CEP170: variants seen among roughly 807,000 people sequenced by gnomAD.
CEP170 encodes the protein centrosomal protein of 170 kDa.
Under a neutral mutation model 151.9 loss-of-function variants are expected in CEP170, and 21 were observed. The observed-to-expected ratio is 0.14, with a 90% CI of 0.10 to 0.20. The LOEUF is 0.20. Ranked by LOEUF, CEP170 falls within the 10% of genes least tolerant of loss-of-function variation. The pLI is 1.00. For missense variants in CEP170, 964 were observed against 1,892.9 expected (o/e 0.51, Z 9.11); for synonymous variants, 356 against 648.8 (o/e 0.55, Z 6.86).
intron 3 of CEP170, among the ~76,000 whole-genome samples, chr1:243,216,949 A>G (rs2148950910): frequency 6.6e-6 from 1 of 152,350 alleles, no homozygotes; most frequent in South Asian, 2.1e-4. Context: ...CAATGGGGCA[A>G]CATTCTGAGA....
intron 1 of CEP170, among the ~76,000 whole-genome samples, chr1:243,243,499 T>TTTATTTATTTAC (rs2065060835): frequency 2.0e-5 from 1 of 49,592 alleles, no homozygotes; most frequent in Non-Finnish European, 5.5e-5. Flanking sequence ...ACCATTCTGA[T>TTTATTTATTTAC]TTATTTATTT....
At chr1:243,220,841 A>G (rs968549829) in intron 3 of CEP170, among the ~76,000 whole-genome samples, 1 of 152,242 alleles carries the variant, frequency 6.6e-6, no homozygotes, top group Non-Finnish European at 1.5e-5. Flanking sequence ...GACCAAATGA[A>G]GAAATAAGAA....
At chr1:243,170,012 A>AAAACT (rs1436421394) in intron 11 of CEP170, among the ~76,000 whole-genome samples, 1 of 152,242 alleles carries the variant, frequency 6.6e-6, no homozygotes, top group Non-Finnish European at 1.5e-5. Context: ...GCTTCATATG[A>AAAACT]AAACTGTAAT....
intron 6 of CEP170, 58 bp from the exon 7 acceptor site, chr1:243,199,252 T>A: frequency 1.9e-6 from 3 of 1,566,822 alleles, no homozygotes; most frequent in Non-Finnish European, 2.6e-6. Context: ...GAATACACTT[T>A]CGCAGAATGC....
intron 3 of CEP170, among the ~76,000 whole-genome samples, chr1:243,212,219 A>G (rs1375983523): frequency 6.6e-6 from 1 of 152,224 alleles, no homozygotes; most frequent in African/African-American, 2.4e-5. Flanking sequence ...AATAGTTCCT[A>G]AAAATGGTGC....
Position 243,186,176 on chromosome 1 carries a change from G to A in CEP170, c.1272+83C>T, listed in dbSNP as rs547152666. The A allele has an allele frequency of 5.1e-5, 83 of 1,612,866 alleles. 1 individual carries two copies. The South Asian group carries it at 5.2e-4, about 10-fold the overall frequency. ...TGTAGTTTCCTGACACAAGATTCCC[G>A]CACTTTGAGTAAAAGAATACGACCT... On this transcript the variant is annotated intron_variant, in intron 9 of 19. Coordinates refer to ENST00000366542, the MANE Select transcript of CEP170 (RefSeq NM_014812.3).
At chr1:243,158,181 T>A (rs901648086) in intron 13 of CEP170, among the ~76,000 whole-genome samples, 3 of 152,160 alleles carry the variant, frequency 2.0e-5, no homozygotes, top group Non-Finnish European at 4.4e-5. Context: ...TAGAAAAAAA[T>A]TAAGAAATAC....
chr1:243,225,372 T>A, intron 1 of CEP170, 51 bp from the exon 2 acceptor site: 1 of 701,464 alleles, frequency 1.4e-6, no homozygotes, highest in Non-Finnish European at 2.3e-6. Flanking sequence ...TTAGCTTTAG[T>A]GGCTATTCAC....
At chr1:243,218,683 T>C (rs2062529359) in intron 3 of CEP170, among the ~76,000 whole-genome samples, 1 of 152,202 alleles carries the variant, frequency 6.6e-6, no homozygotes. Flanking sequence ...AGGCTACAGG[T>C]TGCTAAACTT....
chr1:243,247,169 A>G (rs1009898826), intron 1 of CEP170, among the ~76,000 whole-genome samples: 1 of 152,254 alleles, frequency 6.6e-6, no homozygotes, highest in East Asian at 1.9e-4. Context: ...ACTCAGTTGA[A>G]CACTTTCCAG....
intron 11 of CEP170, among the ~76,000 whole-genome samples, chr1:243,170,829 C>T (rs1157500301): frequency 2.0e-5 from 3 of 152,180 alleles, no homozygotes; most frequent in Admixed American, 2.0e-4. Context: ...GAATGACACA[C>T]ATACAGTGAA....
At chr1:243,225,516 A>G (rs1187992956) in intron 1 of CEP170, among the ~76,000 whole-genome samples, 195 bp from the exon 2 acceptor site, 1 of 152,220 alleles carries the variant, frequency 6.6e-6, no homozygotes, top group African/African-American at 2.4e-5. Context: ...GGAATCCACT[A>G]AGAGTCCAGT....
chr1:243,162,175 C>T (rs975027857), intron 13 of CEP170, among the ~76,000 whole-genome samples: 2 of 152,086 alleles, frequency 1.3e-5, no homozygotes, highest in African/African-American at 4.8e-5. Context: ...GTATATTGAC[C>T]TTGCATATAC....
intron 3 of CEP170, among the ~76,000 whole-genome samples, chr1:243,212,737 C>G (rs1184002599): frequency 1.3e-5 from 2 of 151,890 alleles, no homozygotes; most frequent in African/African-American, 4.8e-5. Context: ...GATCATGGTG[C>G]ACTGCAGCCT....
intron 4 of CEP170, among the ~76,000 whole-genome samples, chr1:243,205,774 G>A (rs894664341): frequency 5.9e-5 from 9 of 152,062 alleles, no homozygotes; most frequent in Non-Finnish European, 1.0e-4. Flanking sequence ...ATTACTATGA[G>A]TGTAAAAATT....
At chr1:243,189,080 A>G (rs560750201) in intron 8 of CEP170, among the ~76,000 whole-genome samples, 26 of 152,324 alleles carry the variant, frequency 1.7e-4, no homozygotes, top group African/African-American at 5.8e-4. Flanking sequence ...ATGTATGTCT[A>G]CCTATAAATC....
chr1:243,178,006 T>A (rs1248558634), intron 10 of CEP170, among the ~76,000 whole-genome samples: 3 of 152,118 alleles, frequency 2.0e-5, no homozygotes, highest in Non-Finnish European at 4.4e-5. Flanking sequence ...ATGTGGTTTA[T>A]GCACGCAATA....
At chr1:243,248,669 T>A (rs1347465268) in intron 1 of CEP170, among the ~76,000 whole-genome samples, 1 of 152,226 alleles carries the variant, frequency 6.6e-6, no homozygotes, top group African/African-American at 2.4e-5. Context: ...TAATGTCTCT[T>A]AAACCAGATC....
intron 1 of CEP170, among the ~76,000 whole-genome samples, chr1:243,243,871 A>T (rs1352714377): frequency 6.6e-6 from 1 of 151,444 alleles, no homozygotes; most frequent in Non-Finnish European, 1.5e-5. Flanking sequence ...CACATACACA[A>T]ATGCCCTACC....
Sources: allele counts gnomAD v4.1 joint callset (sites outside exome capture counted in the v4.1 genomes callset), GRCh38; gene constraint gnomAD v4.1.1; transcripts MANE v1.5; gene names NCBI Gene and HGNC (gene_info 2026-07-23, HGNC 2026-07-21).